Variants in IBTK observed in about 807,000 individuals in gnomAD.
The protein encoded by IBTK is inhibitor of Bruton tyrosine kinase, also known as BTK-binding protein.
A neutral mutation model predicts 154.9 loss-of-function variants in IBTK; 83 were observed. That is an observed-to-expected ratio of 0.54 (90% CI 0.45 to 0.64). IBTK has a LOEUF of 0.64. IBTK is among the 30% of genes least tolerant of loss of function. The pLI, the probability that IBTK is intolerant of heterozygous loss-of-function variation, is 0.00. For synonymous variants in IBTK, 515 were observed against 536.1 expected, an observed-to-expected ratio of 0.96 and a Z score of 0.54; for missense variants, 1,332 against 1,584.6, an observed-to-expected ratio of 0.84 and a Z score of 2.71.
chr6:82,186,237 C>A (rs1359097291), intron 25 of IBTK, among the ~76,000 whole-genome samples: 1 of 152,146 alleles, frequency 6.6e-6, no homozygotes, highest in Non-Finnish European at 1.5e-5. Flanking sequence ...ATTAGACCAA[C>A]TAATAACCCT....
chr6:82,201,354 G>T, intron 19 of IBTK, 68 bp downstream of exon 19: 2 of 1,080,334 alleles, frequency 1.9e-6, no homozygotes, highest in Non-Finnish European at 2.7e-6. Context: ...CCATTAATAA[G>T]TCTGATCTAA....
In IBTK at chr6:82,214,901, C is replaced by G; in HGVS notation, c.1602-72G>C. The stretch of plus-strand genomic sequence containing the variant: ...AATCCTTTTTCATACCTAGCCAATT[C>G]TCCTTTAAAATGCAATTTTTTTAAC... On this transcript the variant is annotated intron_variant, in intron 11 of 28. Transcript: ENST00000306270. The G allele has an allele frequency of 4.8e-6, 7 of 1,460,200 alleles. No homozygotes were observed. In the South Asian group the frequency reaches 9.2e-5, roughly 19 times the overall value. 90.5% of individuals were successfully genotyped at this position (1,460,200 alleles called of 1,614,324 possible).
chr6:82,196,337 G>A lies in IBTK; in HGVS notation c.3135C>T (p.Ser1045=). ...AGVGSPRDLQ[S]PDFTTGFHSD... ...AATGAAATCCTGTTGTGAAATCAGG[G>A]GACTGTAAATCTCTAGGACTACCCA... The change falls in exon 22 of 29, where the codon TCC becomes TCT. Residue 1045 remains serine, a synonymous_variant. Coordinates refer to ENST00000306270, the MANE Select transcript of IBTK (RefSeq NM_015525.4). The A allele has an allele frequency of 6.2e-7, 1 of 1,607,870 alleles. No individual in the cohort carries two copies. The highest frequency in any genetic ancestry group is 8.5e-7 in the Non-Finnish European group (1 of 1,177,142).
intron 3 of IBTK, among the ~76,000 whole-genome samples, chr6:82,232,353 A>G (rs931527087): frequency 2.0e-5 from 3 of 152,220 alleles, no homozygotes; most frequent in African/African-American, 4.8e-5. Flanking sequence ...TGCAAATGTG[A>G]TATTACTCTT....
chr6:82,178,346 C>A (rs549787162), intron 26 of IBTK, among the ~76,000 whole-genome samples: 2 of 152,050 alleles, frequency 1.3e-5, no homozygotes, highest in East Asian at 3.9e-4. Context: ...CATGACAAAT[C>A]GTTATATATC....
At position 82,211,406 on chromosome 6, in the gene IBTK, T is replaced by TAAAAGAAAAAAAAGTTCAATGCA. The variant is rs1181294956; in HGVS notation, c.2375-25_2375-3dup. 6.2e-7 allele frequency: 1 copy of TAAAAGAAAAAAAAGTTCAATGCA among 1,609,204 alleles called. No homozygotes were observed. On this transcript the variant is annotated splice_region_variant and splice_polypyrimidine_tract_variant and intron_variant, in intron 14 of 28. Coordinates refer to ENST00000306270, the MANE Select transcript of IBTK (RefSeq NM_015525.4). Reference sequence around the variant, plus strand: ...TACTCAGCATACTATGAAAATATTCTAAAAGAAAAAAAAGTTCAATGCAAT... The same window carrying TAAAAGAAAAAAAAGTTCAATGCA: ...TACTCAGCATACTATGAAAATATTCTAAAAGAAAAAAAAGTTCAATGCAAAAAGAAAAAAAAGTTCAATGCAAT...
In IBTK at chr6:82,191,878, G is replaced by C. The variant is rs143980303; in HGVS notation, c.3340C>G (p.Pro1114Ala). 4.4e-6 allele frequency: 7 copies of C among 1,587,774 alleles called. No individual in the cohort carries two copies. The African/African-American group carries it at 9.5e-5, about 21-fold the overall frequency. The change falls in exon 24 of 29, where the codon CCT becomes GCT. Residue 1114 changes from proline to alanine, a missense_variant and splice_region_variant. Physicochemically the swap from Pro to Ala is conservative, Grantham distance 27 (BLOSUM62 -1). Transcript: ENST00000306270. The stretch of plus-strand genomic sequence containing the variant: ...AGATCCACAACAGGAGGGCTGACAG[G>C]ACTAAAAGACATAAAAGGTTACTTT... ...SASWVAGSFSPVSPPVVDLRT... is the reference protein window; with the variant it reads ...SASWVAGSFSAVSPPVVDLRT...
chr6:82,207,270 C>A (rs757841865), intron 16 of IBTK, among the ~76,000 whole-genome samples: 39 of 151,956 alleles, frequency 2.6e-4, no homozygotes, highest in Non-Finnish European at 4.6e-4. Flanking sequence ...ATACAAAAAT[C>A]AATTGTAATT....
chr6:82,174,825 G>A (rs1253651907), intron 26 of IBTK: 2 of 375,732 alleles, frequency 5.3e-6, no homozygotes, highest in African/African-American at 2.1e-5. Context: ...AGTTAGATAA[G>A]TAGCAGAGAG....
At chr6:82,197,087 C>T (rs184441488) in intron 21 of IBTK, among the ~76,000 whole-genome samples, 74 of 152,198 alleles carry the variant, frequency 4.9e-4, no homozygotes, top group Non-Finnish European at 8.8e-4. Flanking sequence ...CCTCATGCCA[C>T]ACCTGGTATC....
At chr6:82,206,488 GA>G (rs1769418121) in intron 16 of IBTK, among the ~76,000 whole-genome samples, 1 of 152,166 alleles carries the variant, frequency 6.6e-6, no homozygotes, top group Non-Finnish European at 1.5e-5. Context: ...TAATCTGACT[GA>G]ATATTTAAAG....
chr6:82,233,988 C>T (rs940871911), intron 3 of IBTK, among the ~76,000 whole-genome samples, 171 bp downstream of exon 3: 2 of 152,054 alleles, frequency 1.3e-5, no homozygotes, highest in African/African-American at 4.8e-5. Context: ...CTCGGTCTAC[C>T]AAACTGCTGG....
At chr6:82,231,576 G>T in intron 4 of IBTK, 142 bp downstream of exon 4, 2 of 540,390 alleles carry the variant, frequency 3.7e-6, no homozygotes, top group Non-Finnish European at 6.2e-6. Context: ...AATAAAATTA[G>T]CAAAGTTCTA....
Position 82,211,542 on chromosome 6 carries a change from T to C in IBTK, c.2322A>G (p.Ser774=). The change falls in exon 14 of 29, where the codon TCA becomes TCG. Residue 774 remains serine (S), a synonymous_variant. Transcript: ENST00000306270. Reference sequence around the variant, plus strand: ...GACAAGGAAATTCCTTTCCATCCACTGATTTCATGGTCACGTCACACAGAA... The same window carrying C: ...GACAAGGAAATTCCTTTCCATCCACCGATTTCATGGTCACGTCACACAGAA... ...CSFLCDVTMK[S]VDGKEFPCHK... is the part of the protein sequence containing the mutation. 6.2e-7 allele frequency: 1 copy of C among 1,613,786 alleles called. No homozygotes were observed. The highest frequency in any genetic ancestry group is 8.5e-7 in the Non-Finnish European group (1 of 1,179,754).
intron 21 of IBTK, among the ~76,000 whole-genome samples, chr6:82,199,598 T>C (rs1372050965): frequency 6.6e-6 from 1 of 151,958 alleles, no homozygotes; most frequent in African/African-American, 2.4e-5. Flanking sequence ...TGATAATAGT[T>C]ATCTCTGTCA....
intron 27 of IBTK, 60 bp downstream of exon 27, chr6:82,173,307 G>T: frequency 7.9e-7 from 1 of 1,266,128 alleles, no homozygotes; most frequent in Non-Finnish European, 1.2e-6. Flanking sequence ...CAGCCTTAAT[G>T]TTTTCAATGC....
chr6:82,204,462 GA>G (rs1220622050), intron 17 of IBTK, among the ~76,000 whole-genome samples: 11 of 152,082 alleles, frequency 7.2e-5, no homozygotes, highest in Admixed American at 2.6e-4. Flanking sequence ...TATATAATGG[GA>G]AAGTTAAATT....
At chr6:82,177,197 TTTG>T (rs149045065) in intron 26 of IBTK, among the ~76,000 whole-genome samples, 16 of 150,876 alleles carry the variant, frequency 1.1e-4, no homozygotes, top group South Asian at 2.1e-4. Context: ...TTCTTTTTGT[TTTG>T]TTGTTGTTGT....
At chr6:82,200,752 AGTTTTTTTTT>A in intron 19 of IBTK, 44 bp from the exon 20 acceptor site, 1 of 501,302 alleles carries the variant, frequency 2.0e-6, no homozygotes, top group African/African-American at 2.4e-5. Context: ...AAATCTGTGA[AGTTTTTTTTT>A]TTTTTTTTTT....
Sources: allele counts gnomAD v4.1 joint callset (sites outside exome capture counted in the v4.1 genomes callset), GRCh38; gene constraint gnomAD v4.1.1; transcripts MANE v1.5; gene names NCBI Gene and HGNC (gene_info 2026-07-23, HGNC 2026-07-21).